PIAS4: variants seen among roughly 807,000 people sequenced by gnomAD.
The protein encoded by PIAS4 is E3 SUMO-protein ligase PIAS4.
A neutral mutation model predicts 58.0 loss-of-function variants in PIAS4; 7 were observed. The observed-to-expected ratio is 0.12, with a 90% CI of 0.07 to 0.23. PIAS4 has a LOEUF of 0.23. Ranked by LOEUF, PIAS4 falls within the 10% of genes least tolerant of loss-of-function variation. The pLI is 1.00. For synonymous variants in PIAS4, 364 were observed against 312.4 expected, an observed-to-expected ratio of 1.17 and a Z score of -1.74; for missense variants, 550 against 709.5, an observed-to-expected ratio of 0.78 and a Z score of 2.55.
intron 1 of PIAS4, among the ~76,000 whole-genome samples, chr19:4,011,279 C>G (rs1203875843): frequency 6.6e-6 from 1 of 152,242 alleles, no homozygotes; most frequent in Non-Finnish European, 1.5e-5. Flanking sequence ...TGTTTCCCAC[C>G]ACATCTCATT....
chr19:4,025,123 A>C (rs1182794952), intron 3 of PIAS4, among the ~76,000 whole-genome samples: 1 of 152,162 alleles, frequency 6.6e-6, no homozygotes, highest in East Asian at 1.9e-4. Context: ...CATACCGTGG[A>C]TAGTGAGGTG....
Position 4,038,447 on chromosome 19 carries a change from C to T in PIAS4, c.*572C>T, listed in dbSNP as rs1407062499. Reference sequence around the variant, plus strand: ...TGGAGTGGGTTGGGGCGGGGAGGGGCAGTAGGGTGGGGGGATGGGTGGGCA... The same window carrying T: ...TGGAGTGGGTTGGGGCGGGGAGGGGTAGTAGGGTGGGGGGATGGGTGGGCA... On this transcript the variant is annotated 3_prime_UTR_variant, in exon 11 of 11. Transcript: ENST00000262971. The surrounding 1 kb of genome is among the most constrained non-coding windows in gnomAD (Gnocchi z 4.1). The T allele has an allele frequency of 1.3e-4, 4 of 31,476 alleles. No individual in the cohort carries two copies. Among genetic ancestry groups the T allele is most frequent in the Non-Finnish European group, 1.2e-4 (2 of 16,230 alleles). The allele number at this position is 31,476 out of a possible 1,614,324, so 1.9% of individuals were successfully genotyped here. A position where few individuals can be genotyped will look rare whatever the true frequency, so the allele number is the denominator to read the frequency against.
chr19:4,009,781 T>G (rs1161124377), intron 1 of PIAS4, among the ~76,000 whole-genome samples: 1 of 152,178 alleles, frequency 6.6e-6, no homozygotes, highest in Non-Finnish European at 1.5e-5. Flanking sequence ...TCTTTTGGGG[T>G]GCATCACAGA....
In PIAS4 at chr19:4,037,940, G is replaced by T; in HGVS notation, c.*65G>T. 1 of 1,473,388 alleles carries T rather than the reference G, an allele frequency of 6.8e-7. No homozygotes were observed. Among genetic ancestry groups the T allele is most frequent in the Non-Finnish European group, 9.1e-7 (1 of 1,103,842 alleles). 91.3% of individuals were successfully genotyped at this position (1,473,388 alleles called of 1,614,324 possible). On this transcript the variant is annotated 3_prime_UTR_variant, in exon 11 of 11. Transcript: ENST00000262971. This position sits in a 1 kb window ranked among gnomAD's most constrained non-coding sequence, Gnocchi z 5.8. ...AGAGGGGCACGGGCCAGCCTCGGGC[G>T]CAGAGGGAGGAGTGACCTTTCTTTT...
In PIAS4 at chr19:4,013,261, G is replaced by A; in HGVS notation, c.366G>A (p.Leu122=). 6.2e-7 allele frequency: 1 copy of A among 1,613,316 alleles called. No homozygotes were observed. The highest frequency in any genetic ancestry group is 8.5e-7 in the Non-Finnish European group (1 of 1,179,994). Residue 122 remains leucine, a synonymous_variant, in exon 2 of 11, where the codon TTG becomes TTA. Coordinates refer to ENST00000262971, the MANE Select transcript of PIAS4 (RefSeq NM_015897.4). This position sits in a 1 kb window ranked among gnomAD's most constrained non-coding sequence, Gnocchi z 5.1. ...YGKYLNGLGR[L]PAKTLKPEVR... The stretch of plus-strand genomic sequence containing the variant: ...AGTACTTAAACGGACTGGGACGGTT[G>A]CCCGCCAAGACCCTCAAGCCAGAAG...
chr19:4,021,294 G>A (rs1053020558), intron 2 of PIAS4, among the ~76,000 whole-genome samples: 6 of 152,146 alleles, frequency 3.9e-5, no homozygotes, highest in African/African-American at 1.2e-4. Flanking sequence ...GATTAGAGGC[G>A]TGTGTCACCA....
At chr19:4,017,058 C>T (rs367785778) in intron 2 of PIAS4, among the ~76,000 whole-genome samples, 1 of 152,194 alleles carries the variant, frequency 6.6e-6, no homozygotes, top group East Asian at 1.9e-4. Flanking sequence ...TCCGTCTGCA[C>T]ACTGGGGGCC....
intron 1 of PIAS4, among the ~76,000 whole-genome samples, chr19:4,012,303 G>T (rs1411755283): frequency 6.6e-6 from 1 of 152,050 alleles, no homozygotes; most frequent in Admixed American, 6.5e-5. Context: ...TGCCACCTCT[G>T]AGCCGACAGT....
intron 1 of PIAS4, among the ~76,000 whole-genome samples, chr19:4,009,474 C>T (rs1422138686): frequency 6.6e-6 from 1 of 152,106 alleles, no homozygotes; most frequent in Non-Finnish European, 1.5e-5. Context: ...CCAACCCCCA[C>T]CCTGGCTGAG....
chr19:4,026,520 CAGT>C (rs2040166137), intron 3 of PIAS4, among the ~76,000 whole-genome samples: 1 of 151,780 alleles, frequency 6.6e-6, no homozygotes, highest in Non-Finnish European at 1.5e-5. Context: ...TCTCGTGGAT[CAGT>C]AGGTATCGCA....
At chr19:4,008,061 G>C (rs1348054159) in intron 1 of PIAS4, among the ~76,000 whole-genome samples, 2 of 151,810 alleles carry the variant, frequency 1.3e-5, no homozygotes, top group Non-Finnish European at 2.9e-5. Flanking sequence ...GAGCCCTTAG[G>C]GTCCCGGTCC....
intron 3 of PIAS4, 93 bp downstream of exon 3, chr19:4,024,213 C>T (rs1258251176): frequency 4.3e-6 from 4 of 925,318 alleles, no homozygotes; most frequent in Admixed American, 3.5e-5. Flanking sequence ...ACGTCCACTG[C>T]AGGCCTCGCT....
intron 2 of PIAS4, chr19:4,018,801 C>T (rs763616070): frequency 6.6e-6 from 1 of 152,252 alleles, no homozygotes; most frequent in Non-Finnish European, 1.5e-5. Flanking sequence ...GAAGGCTTTC[C>T]TTCTGGTGAC....
In PIAS4 at chr19:4,013,181, G is replaced by A. The variant is rs1599215420; in HGVS notation, c.286G>A (p.Val96Met). ...CTCCACCTACGACCGGGCCGGCGCT[G>A]TGCCCAGGACTCCGCTGGCAGGCCC... ...MHSTYDRAGA[V>M]PRTPLAGPNI... is the part of the protein sequence containing the mutation. Residue 96 changes from valine (V) to methionine (M), a missense_variant, in exon 2 of 11, where the codon GTG (valine) becomes ATG (methionine). Physicochemically the swap from Val to Met is conservative, Grantham distance 21. Around this residue, in one of 4 missense-constraint regions of PIAS4, gnomAD observed 95 missense variants for 87.5 expected, o/e 1.09. Coordinates refer to ENST00000262971, the MANE Select transcript of PIAS4 (RefSeq NM_015897.4). This position sits in a 1 kb window ranked among gnomAD's most constrained non-coding sequence, Gnocchi z 5.1. 6.2e-7 allele frequency: 1 copy of A among 1,613,382 alleles called. No individual in the cohort carries two copies. The highest frequency in any genetic ancestry group is 1.3e-5 in the African/African-American group (1 of 74,936).
rs1290203666 is a variant in PIAS4 at position 4,013,133 on chromosome 19, C to A, written c.238C>A (p.Pro80Thr). 1 of 1,613,274 alleles carries A rather than the reference C, an allele frequency of 6.2e-7. No homozygotes were observed. ...NSEPAPQPHRPLDPLTMHSTY... is the reference protein window; with the variant it reads ...NSEPAPQPHRTLDPLTMHSTY... ...GGAGCCTGCCCCACAGCCGCACCGG[C>A]CCCTGGACCCCCTGACCATGCACTC... Residue 80 changes from proline to threonine, a missense_variant, in exon 2 of 11, where the codon CCC becomes ACC. Transcript: ENST00000262971. The surrounding 1 kb of genome is among the most constrained non-coding windows in gnomAD (Gnocchi z 5.1).
chr19:4,037,392 G>T lies in PIAS4; in HGVS notation c.1161G>T (p.Leu387=), dbSNP rs749894576. The stretch of plus-strand genomic sequence containing the variant: ...GCCCCAGGCTCCTCTCGAAGATCCT[G>T]AGCGAGTGTGAGGACGCCGACGAGA... The part of the protein sequence containing the change: ...LIIDGLLSKI[L]SECEDADEIE... Residue 387 remains leucine, a synonymous_variant, in exon 10 of 11, where the codon CTG becomes CTT. Transcript: ENST00000262971. This position sits in a 1 kb window ranked among gnomAD's most constrained non-coding sequence, Gnocchi z 5.8. The T allele has an allele frequency of 1.2e-5, 20 of 1,609,404 alleles. No homozygotes were observed. The highest frequency in any genetic ancestry group is 1.7e-5 in the Non-Finnish European group (20 of 1,177,602).
In PIAS4 at chr19:4,033,604, G is replaced by GCGGC. The variant is rs768461179; in HGVS notation, c.1142+28_1142+31dup. On this transcript the variant is annotated intron_variant, in intron 9 of 10. Coordinates refer to ENST00000262971, the MANE Select transcript of PIAS4 (RefSeq NM_015897.4). ...GGGTGAGCCCGGGGCCCCGGGGAGG[G>GCGGC]CGGCCGGAGCCGGACATCCGTGGAG... 5.7e-6 allele frequency: 9 copies of GCGGC among 1,571,062 alleles called. No individual in the cohort carries two copies. In the Admixed American group the frequency reaches 1.4e-4, roughly 25 times the overall value.
chr19:4,032,497 C>T (rs1032700813), intron 7 of PIAS4, among the ~76,000 whole-genome samples: 13 of 152,230 alleles, frequency 8.5e-5, no homozygotes, highest in African/African-American at 1.7e-4. Context: ...TGCTGCCCGT[C>T]GAGGGGAGGG....
chr19:4,019,725 C>T (rs922657153), intron 2 of PIAS4, among the ~76,000 whole-genome samples: 4 of 152,172 alleles, frequency 2.6e-5, no homozygotes, highest in Admixed American at 2.6e-4. Context: ...CTCCACAGCC[C>T]ATCACCTCTG....
Sources: allele counts gnomAD v4.1 joint callset (sites outside exome capture counted in the v4.1 genomes callset), GRCh38; gene constraint gnomAD v4.1.1; regional missense constraint gnomAD v4.1.1; non-coding constraint Gnocchi (gnomAD v3.1); transcripts MANE v1.5; gene names NCBI Gene and HGNC (gene_info 2026-07-23, HGNC 2026-07-21).